The following PTBP3 variants were observed in gnomAD, a reference collection of about 807,000 sequenced individuals.
The protein encoded by PTBP3 is polypyrimidine tract-binding protein 3.
In PTBP3, 20 loss-of-function variants were observed where a neutral mutation model predicts 58.7. That is an observed-to-expected ratio of 0.34 (90% CI 0.24 to 0.50). The LOEUF is 0.50. Among genes scored for constraint, PTBP3 ranks in the 20% least tolerant of loss-of-function variants. The pLI is 0.98. For synonymous variants in PTBP3, 185 were observed against 219.8 expected (o/e 0.84, Z 1.40); for missense variants, 509 against 637.2 (o/e 0.80, Z 2.17).
chr9:112,240,093 G>C (rs1835596093), intron 7 of PTBP3, among the ~76,000 whole-genome samples: 1 of 151,866 alleles, frequency 6.6e-6, no homozygotes, highest in Admixed American at 6.6e-5. Flanking sequence ...GATGAAGTAG[G>C]GGAGCACAAA....
chr9:112,237,730 G>A (rs900823348), intron 7 of PTBP3, among the ~76,000 whole-genome samples: 1 of 152,146 alleles, frequency 6.6e-6, no homozygotes, highest in Non-Finnish European at 1.5e-5. Flanking sequence ...AGCCCACAGT[G>A]AGAAGTCAAC....
rs144725118 is a variant in PTBP3 at position 112,315,694 on chromosome 9, A to T, written c.-52+17776T>A. ...AATTCATAATTTAAAACCTTCCAAC[A>T]AAGAAAATACACTCACAAATAGCTA... On this transcript the variant is annotated intron_variant, in intron 1 of 13. Coordinates refer to ENST00000374257, the MANE Select transcript of PTBP3 (RefSeq NM_001163788.4). Among the ~76,000 whole-genome samples the T allele has an allele frequency of 1.4e-3, 210 of 152,364 alleles. 5 individuals are homozygous for T. The East Asian group carries it at 0.035, about 25-fold the overall frequency.
At chr9:112,283,611 A>G (rs573604245) in intron 2 of PTBP3, among the ~76,000 whole-genome samples, 3 of 152,372 alleles carry the variant, frequency 2.0e-5, no homozygotes, top group African/African-American at 7.2e-5. Flanking sequence ...GTGGTAGAAA[A>G]GAAAAATCCA....
intron 4 of PTBP3, among the ~76,000 whole-genome samples, chr9:112,265,386 C>A (rs990192791): frequency 7.2e-6 from 1 of 139,466 alleles, no homozygotes; most frequent in Non-Finnish European, 1.5e-5. Context: ...ACCTATACTC[C>A]CAGCTACTCG....
At chr9:112,324,752 C>T (rs1587894039) in intron 1 of PTBP3, among the ~76,000 whole-genome samples, 1 of 151,462 alleles carries the variant, frequency 6.6e-6, no homozygotes, top group Non-Finnish European at 1.5e-5. Context: ...AAAAACTCAC[C>T]ACCACCAATC....
chr9:112,273,207 A>G (rs1423286635), intron 3 of PTBP3, among the ~76,000 whole-genome samples: 1 of 152,238 alleles, frequency 6.6e-6, no homozygotes, highest in Non-Finnish European at 1.5e-5. Flanking sequence ...CCAAATAAAT[A>G]AAAATTGCAC....
At chr9:112,294,790 AAAGT>A (rs1329319066) in intron 2 of PTBP3, among the ~76,000 whole-genome samples, 15 of 152,362 alleles carry the variant, frequency 9.8e-5, no homozygotes, top group Non-Finnish European at 1.6e-4. Context: ...CATTTTAGTT[AAAGT>A]AAGTATACAT....
At chr9:112,257,260 G>GA (rs925840147) in intron 5 of PTBP3, among the ~76,000 whole-genome samples, 1 of 152,120 alleles carries the variant, frequency 6.6e-6, no homozygotes, top group African/African-American at 2.4e-5. Context: ...TGATACTTCT[G>GA]AATAAAGTAA....
chr9:112,307,877 C>A (rs1829290899), intron 1 of PTBP3, among the ~76,000 whole-genome samples: 2 of 152,194 alleles, frequency 1.3e-5, no homozygotes, highest in South Asian at 4.1e-4. Flanking sequence ...GGGCCACATG[C>A]GGCACAGGAT....
At chr9:112,372,877 C>T in the PTBP3 span, among the ~76,000 whole-genome samples, 1 of 151,256 alleles carries the variant, frequency 6.6e-6, no homozygotes, top group South Asian at 2.1e-4. Context: ...CATATACGTA[C>T]TTCCTTGAAT....
At chr9:112,320,718 A>C (rs1009612213) in intron 1 of PTBP3, among the ~76,000 whole-genome samples, 6 of 152,202 alleles carry the variant, frequency 3.9e-5, no homozygotes, top group Admixed American at 3.9e-4. Context: ...ATAAGAATAC[A>C]GTATACAGAA....
At chr9:112,333,247 G>A (rs1325349120) in intron 1 of PTBP3, among the ~76,000 whole-genome samples, 1 of 152,116 alleles carries the variant, frequency 6.6e-6, no homozygotes, top group East Asian at 1.9e-4. Flanking sequence ...GGACGTGTCC[G>A]GGGCGCCGCG....
At chr9:112,326,972 CT>C (rs1830181664) in intron 1 of PTBP3, among the ~76,000 whole-genome samples, 1 of 152,124 alleles carries the variant, frequency 6.6e-6, no homozygotes, top group South Asian at 2.1e-4. Context: ...AATCCTAGCA[CT>C]TTAGGAGGCT....
At chr9:112,290,697 T>TACACACACACACACAC (rs1212533738) in intron 2 of PTBP3, among the ~76,000 whole-genome samples, 5 of 62,054 alleles carry the variant, frequency 8.1e-5, no homozygotes, top group South Asian at 6.0e-4. Context: ...AATATATATA[T>TACACACACACACACAC]ATATATATAT....
At chr9:112,303,791 G>A (rs993174889) in intron 1 of PTBP3, among the ~76,000 whole-genome samples, 2 of 151,768 alleles carry the variant, frequency 1.3e-5, no homozygotes, top group Admixed American at 6.6e-5. Context: ...TTGAACCTGG[G>A]AGGCAGAGGT....
In PTBP3 at chr9:112,281,940, T is replaced by C. The variant is rs1827886216; in HGVS notation, c.35-5927A>G. 2.0e-5 allele frequency among the ~76,000 whole-genome samples: 3 copies of C among 152,192 alleles called. No individual in the cohort carries two copies. In the South Asian group the frequency reaches 6.2e-4, roughly 32 times the overall value. On this transcript the variant is annotated intron_variant, in intron 2 of 13. Coordinates refer to ENST00000374257, the MANE Select transcript of PTBP3 (RefSeq NM_001163788.4). ...GAGGTTAAAAGCCCAAGATCAAGCA[T>C]TTCTGGTGAGGGGTCTTCCTGTCTT...
chr9:112,298,175 A>C (rs1828774037), intron 1 of PTBP3, among the ~76,000 whole-genome samples: 1 of 152,226 alleles, frequency 6.6e-6, no homozygotes. Flanking sequence ...GCAGGTTTCC[A>C]AAACATAACA....
At chr9:112,275,181 GC>G (rs1461200821) in intron 3 of PTBP3, among the ~76,000 whole-genome samples, 1 of 151,572 alleles carries the variant, frequency 6.6e-6, no homozygotes, top group African/African-American at 2.4e-5. Flanking sequence ...TGTTGCATAG[GC>G]TGGAGTGCAA....
intron 7 of PTBP3, among the ~76,000 whole-genome samples, chr9:112,238,202 A>C (rs1169897333): frequency 6.6e-6 from 1 of 152,218 alleles, no homozygotes; most frequent in African/African-American, 2.4e-5. Flanking sequence ...AGATTTAAAT[A>C]GTATGTTTGA....
Sources: gnomAD v4.1 joint callset for allele counts (sites outside exome capture counted in the v4.1 genomes callset) on GRCh38, gnomAD v4.1.1 for gene constraint, MANE v1.5 for transcripts, NCBI Gene and HGNC (gene_info 2026-07-23, HGNC 2026-07-21) for gene names.